Variants in SAMD13 observed in about 807,000 individuals in gnomAD.
The protein encoded by SAMD13 is sterile alpha motif domain containing 13.
In SAMD13, 9 loss-of-function variants were observed where a neutral mutation model predicts 12.4. That is an observed-to-expected ratio of 0.72 (90% CI 0.44 to 1.26). The LOEUF (loss-of-function observed/expected upper bound fraction) is 1.26, where lower values mean the gene tolerates loss of function less well. Ranked by LOEUF, SAMD13 falls within the 50% of genes most tolerant of loss-of-function variation. The pLI, the probability that SAMD13 is intolerant of heterozygous loss-of-function variation, is 0.00. For synonymous variants in SAMD13, 46 were observed against 45.4 expected, an observed-to-expected ratio of 1.01 and a Z score of -0.05; for missense variants, 84 against 119.6, an observed-to-expected ratio of 0.70 and a Z score of 1.39.
intron 3 of SAMD13, among the ~76,000 whole-genome samples, chr1:84,333,127 A>C (rs1679225906): frequency 6.6e-6 from 1 of 152,128 alleles, no homozygotes; most frequent in Non-Finnish European, 1.5e-5. Flanking sequence ...CTTGTAGTGC[A>C]GTTTGAAGTC....
intron 2 of SAMD13, 108 bp downstream of exon 2, chr1:84,303,395 CT>C: frequency 1.2e-6 from 1 of 830,872 alleles, no homozygotes; most frequent in Non-Finnish European, 1.9e-6. Flanking sequence ...TGGGGGTCGC[CT>C]TGGTTTGTCT....
chr1:84,344,436 C>T (rs574403413), intron 3 of SAMD13, among the ~76,000 whole-genome samples: 1 of 152,240 alleles, frequency 6.6e-6, no homozygotes, highest in East Asian at 1.9e-4. Flanking sequence ...ATGTTGAGCT[C>T]ATAGTCACTC....
upstream of SAMD13, chr1:84,298,613 C>A: frequency 7.9e-7 from 1 of 1,273,884 alleles, no homozygotes. Flanking sequence ...GGCGCCCGCC[C>A]TCTCCTCTCT....
At chr1:84,340,965 T>A (rs1268348571) in intron 3 of SAMD13, among the ~76,000 whole-genome samples, 1 of 152,174 alleles carries the variant, frequency 6.6e-6, no homozygotes, top group Non-Finnish European at 1.5e-5. Context: ...AACAAAAATA[T>A]GGAGAAACGG....
At chr1:84,319,123 C>T (rs908483296) in intron 2 of SAMD13, among the ~76,000 whole-genome samples, 2 of 152,114 alleles carry the variant, frequency 1.3e-5, no homozygotes, top group Admixed American at 1.3e-4. Flanking sequence ...AGAAGGAAAA[C>T]CAAGTTTCTC....
At chr1:84,311,643 A>G (rs1678715298) in intron 2 of SAMD13, among the ~76,000 whole-genome samples, 1 of 152,218 alleles carries the variant, frequency 6.6e-6, no homozygotes, top group East Asian at 1.9e-4. Flanking sequence ...GATACCATAC[A>G]GTGGAATGAA....
chr1:84,325,681 T>C lies in SAMD13; in HGVS notation c.98T>C (p.Val33Ala). The change falls in exon 3 of 4, where the codon GTG (valine) becomes GCG (alanine). Residue 33 changes from valine to alanine, a missense_variant. Transcript: ENST00000394834. ...GRPPDPADWA[V>A]MDVVNYFRTV... ...CCACCTGATCCTGCAGACTGGGCCG[T>C]GATGGATGTCGTCAATTATTTCCGA... 1 of 1,613,554 alleles carries C rather than the reference T, an allele frequency of 6.2e-7. No homozygotes were observed. The highest frequency in any genetic ancestry group is 8.5e-7 in the Non-Finnish European group (1 of 1,179,614).
At chr1:84,321,651 A>C (rs1678948235) in intron 2 of SAMD13, among the ~76,000 whole-genome samples, 1 of 152,214 alleles carries the variant, frequency 6.6e-6, no homozygotes, top group South Asian at 2.1e-4. Context: ...TTATAAGGAA[A>C]TAACTAAAGC....
rs565507025 is a variant in SAMD13 at position 84,341,121 on chromosome 1, GA to G, written c.166-8508del. ...ATTCTCAGTCTTTCAGACTTGGACTGAATTATACCACTAGCTTTCCTGTTTT... is the reference window on the plus strand; with the variant it reads ...ATTCTCAGTCTTTCAGACTTGGACTGATTATACCACTAGCTTTCCTGTTTT... On this transcript the variant is annotated intron_variant, in intron 3 of 3. Transcript: ENST00000394834. Among the ~76,000 whole-genome samples, 772 of 152,300 alleles carry G rather than the reference GA, an allele frequency of 5.1e-3. 4 individuals carry two copies. Among genetic ancestry groups the G allele is most frequent in the Non-Finnish European group, 8.9e-3 (607 of 68,026 alleles).
chr1:84,328,558 C>T (rs1016116698), intron 3 of SAMD13, among the ~76,000 whole-genome samples: 3 of 152,148 alleles, frequency 2.0e-5, no homozygotes, highest in Non-Finnish European at 4.4e-5. Context: ...GAGGGAATCA[C>T]TGGCCAGGCT....
At chr1:84,342,963 A>G (rs1227050420) in intron 3 of SAMD13, among the ~76,000 whole-genome samples, 1 of 152,210 alleles carries the variant, frequency 6.6e-6, no homozygotes, top group African/African-American at 2.4e-5. Context: ...TCCATCTGAC[A>G]AAGGTCTAAT....
intron 3 of SAMD13, among the ~76,000 whole-genome samples, chr1:84,330,085 A>G (rs533883442): frequency 1.3e-5 from 2 of 152,172 alleles, no homozygotes; most frequent in Admixed American, 1.3e-4. Context: ...GCAGACAAAC[A>G]TTTTAGGCTG....
At chr1:84,346,772 CT>C (rs1303936476) in intron 3 of SAMD13, among the ~76,000 whole-genome samples, 2 of 152,216 alleles carry the variant, frequency 1.3e-5, no homozygotes, top group African/African-American at 2.4e-5. Context: ...AATCAAGGAA[CT>C]TTCCTGTGTG....
intron 2 of SAMD13, among the ~76,000 whole-genome samples, chr1:84,324,033 AT>A (rs1679004671): frequency 6.6e-6 from 1 of 152,002 alleles, no homozygotes; most frequent in Non-Finnish European, 1.5e-5. Flanking sequence ...TCCATTCTCT[AT>A]GTCTGGTCTA....
chr1:84,308,531 T>C (rs1678635306), intron 2 of SAMD13, among the ~76,000 whole-genome samples: 1 of 152,188 alleles, frequency 6.6e-6, no homozygotes, highest in East Asian at 1.9e-4. Flanking sequence ...CTTACCTGAG[T>C]AATGTGTGAC....
intron 2 of SAMD13, among the ~76,000 whole-genome samples, chr1:84,317,675 T>C (rs1273395845): frequency 6.6e-6 from 1 of 152,082 alleles, no homozygotes; most frequent in Admixed American, 6.6e-5. Context: ...TGTGTGTCTT[T>C]ATCTGGCTTG....
At chr1:84,337,444 G>A (rs533535539) in intron 3 of SAMD13, among the ~76,000 whole-genome samples, 3 of 152,178 alleles carry the variant, frequency 2.0e-5, no homozygotes, top group Admixed American at 6.5e-5. Flanking sequence ...AGCTGCCAAA[G>A]CTTGAGGCTT....
intron 2 of SAMD13, among the ~76,000 whole-genome samples, chr1:84,316,670 TC>T (rs1678840564): frequency 6.6e-6 from 1 of 152,182 alleles, no homozygotes; most frequent in African/African-American, 2.4e-5. Flanking sequence ...CCAACACTGT[TC>T]TTTTTCAAAT....
intron 3 of SAMD13, among the ~76,000 whole-genome samples, chr1:84,341,759 T>G (rs1044240012): frequency 6.6e-6 from 1 of 152,032 alleles, no homozygotes; most frequent in Non-Finnish European, 1.5e-5. Flanking sequence ...GAGAGACAGA[T>G]CAGGATATTG....
Sources: gnomAD v4.1 joint callset for allele counts (sites outside exome capture counted in the v4.1 genomes callset) on GRCh38, gnomAD v4.1.1 for gene constraint, MANE v1.5 for transcripts, NCBI Gene and HGNC (gene_info 2026-07-23, HGNC 2026-07-21) for gene names.